Variants in GALM observed in about 807,000 individuals in gnomAD.
The protein encoded by GALM is galactose mutarotase.
In GALM, 43 loss-of-function variants were observed where a neutral mutation model predicts 37.4. That is an observed-to-expected ratio of 1.15 (90% CI 0.90 to 1.48). The LOEUF (loss-of-function observed/expected upper bound fraction) is 1.48. Among genes scored for constraint, GALM ranks in the 40% most tolerant of loss-of-function variants. The probability of loss-of-function intolerance (pLI) is 0.00; values close to 1 mark genes in which losing one functional copy is unlikely to be tolerated. For missense variants in GALM, 456 were observed against 419.1 expected (o/e 1.09, Z -0.77); for synonymous variants, 199 against 170.6 (o/e 1.17, Z -1.30).
intron 4 of GALM, among the ~76,000 whole-genome samples, chr2:38,693,494 A>G (rs1476810916): frequency 6.6e-6 from 1 of 151,990 alleles, no homozygotes. Flanking sequence ...AAAAAAAAAA[A>G]AAAAAGAGAG....
At chr2:38,694,724 G>A (rs374762183) in intron 4 of GALM, among the ~76,000 whole-genome samples, 166 of 151,668 alleles carry the variant, frequency 1.1e-3, no homozygotes, top group African/African-American at 3.3e-3. Context: ...GTAAAACCCC[G>A]TCTCTACTAA....
At chr2:38,698,226 A>T (rs1665849619) in intron 4 of GALM, 1 of 346,572 alleles carries the variant, frequency 2.9e-6, no homozygotes, top group Non-Finnish European at 5.8e-6. Flanking sequence ...TTATATATAT[A>T]TTTTAAATAA....
chr2:38,722,068 G>A (rs982909232), intron 4 of GALM, among the ~76,000 whole-genome samples: 1 of 78,380 alleles, frequency 1.3e-5, no homozygotes, highest in African/African-American at 5.3e-5. Flanking sequence ...GAACAGAAGC[G>A]CATCATGCGG....
rs117937334 is a variant in GALM, at chr2:38,722,839, A to T, written c.635-6717A>T. ...GCGTAAGGGGCTGTGACCAAGTCGG[A>T]CACTCCAGAGGGAGGTGGAAAGTGC... is the stretch of plus-strand genomic sequence containing the variant. On this transcript the variant is annotated intron_variant, in intron 4 of 6. Transcript: ENST00000272252. Among the ~76,000 whole-genome samples, 698 of 152,326 alleles carry T rather than the reference A, an allele frequency of 4.6e-3. 23 individuals are homozygous for T. In the East Asian group the frequency reaches 0.064, roughly 14 times the overall value.
chr2:38,677,459 G>A (rs1031333383), intron 2 of GALM, among the ~76,000 whole-genome samples: 4 of 152,132 alleles, frequency 2.6e-5, no homozygotes, highest in African/African-American at 9.7e-5. Flanking sequence ...GATTCTTCAT[G>A]CCAGGGAGGC....
intron 4 of GALM, among the ~76,000 whole-genome samples, chr2:38,699,553 C>G (rs532736692): frequency 1.3e-5 from 2 of 152,096 alleles, no homozygotes; most frequent in South Asian, 2.1e-4. Flanking sequence ...TGCGGTGGCT[C>G]ATGCCTGTAA....
intron 3 of GALM, among the ~76,000 whole-genome samples, chr2:38,686,470 T>A (rs1400084155): frequency 6.6e-6 from 1 of 151,920 alleles, no homozygotes; most frequent in Non-Finnish European, 1.5e-5. Flanking sequence ...TTTCACCGTG[T>A]TAGCCAGGAT....
In GALM at chr2:38,683,838, A is replaced by G. The variant is rs372003746; in HGVS notation, c.552+2352A>G. On this transcript the variant is annotated intron_variant, in intron 3 of 6. Coordinates refer to ENST00000272252, the MANE Select transcript of GALM (RefSeq NM_138801.3). ...CGCTTCAGCCTCCCAAAGTGCTAGG[A>G]TTACAGGCGTGAGCCACCGCACCTG... Among the ~76,000 whole-genome samples, 17 of 152,302 alleles carry G rather than the reference A, an allele frequency of 1.1e-4. No individual in the cohort carries two copies. The East Asian group carries it at 1.5e-3, about 14-fold the overall frequency.
chr2:38,714,455 T>C (rs984498313), intron 4 of GALM, among the ~76,000 whole-genome samples: 6 of 152,100 alleles, frequency 3.9e-5, no homozygotes, highest in Non-Finnish European at 8.8e-5. Flanking sequence ...CCTCAAGTGA[T>C]CCGCCCACCT....
intron 2 of GALM, chr2:38,680,228 C>T: frequency 3.5e-6 from 1 of 287,136 alleles, no homozygotes; most frequent in Non-Finnish European, 6.8e-6. Context: ...CACTATGTTG[C>T]CCAGGCTGGT....
chr2:38,725,551 C>T (rs373831260), intron 4 of GALM, among the ~76,000 whole-genome samples: 3 of 124,982 alleles, frequency 2.4e-5, no homozygotes, highest in Admixed American at 1.7e-4. Context: ...CACACACATA[C>T]ACACACACAC....
intron 4 of GALM, among the ~76,000 whole-genome samples, chr2:38,719,359 A>G (rs914960814): frequency 6.6e-6 from 1 of 151,194 alleles, no homozygotes; most frequent in Admixed American, 6.6e-5. Flanking sequence ...AATCCCAGCT[A>G]CTCGGGAGGC....
intron 1 of GALM, among the ~76,000 whole-genome samples, chr2:38,670,169 A>G (rs549367099): frequency 2.2e-4 from 33 of 152,212 alleles, no homozygotes; most frequent in African/African-American, 5.3e-4. Context: ...CAGCCTAAAA[A>G]TATTTTTCAT....
At chr2:38,688,384 G>A (rs1271272263) in intron 3 of GALM, among the ~76,000 whole-genome samples, 2 of 152,016 alleles carry the variant, frequency 1.3e-5, no homozygotes, top group Non-Finnish European at 2.9e-5. Context: ...GGTGGTGCAT[G>A]CCTGTAATCC....
In GALM at chr2:38,731,776, C is replaced by T. The variant is rs765969103; in HGVS notation, c.818C>T (p.Thr273Ile). The T allele has an allele frequency of 1.9e-6, 3 of 1,613,946 alleles. No individual in the cohort carries two copies. The highest frequency in any genetic ancestry group is 3.3e-5 in the Admixed American group (2 of 60,016). The part of the protein sequence containing the change: ...AASGRVLEVY[T>I]TQPGVQFYTG... Reference sequence around the variant, plus strand: ...AGCGGGCGGGTACTAGAAGTATACACCACCCAGCCCGGGGTCCAGTTTTAC... The same window carrying T: ...AGCGGGCGGGTACTAGAAGTATACATCACCCAGCCCGGGGTCCAGTTTTAC... The change falls in exon 6 of 7, where the codon ACC becomes ATC. Residue 273 changes from threonine (T) to isoleucine (I), a missense_variant. Coordinates refer to ENST00000272252, the MANE Select transcript of GALM (RefSeq NM_138801.3).
intron 5 of GALM, among the ~76,000 whole-genome samples, chr2:38,730,209 C>T (rs1321503644): frequency 6.6e-6 from 1 of 152,224 alleles, no homozygotes; most frequent in Non-Finnish European, 1.5e-5. Context: ...TACCCCAACA[C>T]CTAATATCAT....
intron 1 of GALM, among the ~76,000 whole-genome samples, chr2:38,670,792 C>T (rs913374865): frequency 6.6e-6 from 1 of 152,196 alleles, no homozygotes; most frequent in African/African-American, 2.4e-5. Context: ...GGAGATTCAA[C>T]TAGGACAGCA....
chr2:38,700,590 T>C (rs1230783013), intron 4 of GALM, among the ~76,000 whole-genome samples: 4 of 152,174 alleles, frequency 2.6e-5, no homozygotes, highest in Non-Finnish European at 4.4e-5. Context: ...AATATCTTTT[T>C]CCACCCTTTC....
intron 4 of GALM, among the ~76,000 whole-genome samples, chr2:38,710,986 T>TG: frequency 6.6e-6 from 1 of 151,948 alleles, no homozygotes; most frequent in South Asian, 2.1e-4. Context: ...ACTTCTGACT[T>TG]TAGGCGATCC....
Sources: gnomAD v4.1 joint callset for allele counts (sites outside exome capture counted in the v4.1 genomes callset) on GRCh38, gnomAD v4.1.1 for gene constraint, MANE v1.5 for transcripts, NCBI Gene and HGNC (gene_info 2026-07-23, HGNC 2026-07-21) for gene names.